GRIK4: variants seen among roughly 807,000 people sequenced by gnomAD.
The protein encoded by GRIK4 is glutamate receptor ionotropic, kainate 4.
In GRIK4, 40 loss-of-function variants were observed where a neutral mutation model predicts 104.9. The ratio of observed to expected loss-of-function variants is 0.38; its 90% CI spans 0.30 to 0.50. The LOEUF (loss-of-function observed/expected upper bound fraction) is 0.50. Ranked by LOEUF, GRIK4 falls within the 20% of genes least tolerant of loss-of-function variation. The pLI, the probability that GRIK4 is intolerant of heterozygous loss-of-function variation, is 0.93. For synonymous variants in GRIK4, 485 were observed against 524.9 expected, an observed-to-expected ratio of 0.92 and a Z score of 1.04; for missense variants, 1,047 against 1,308.1, an observed-to-expected ratio of 0.80 and a Z score of 3.08.
At chr11:120,733,143 T>C (rs1951167191) in intron 3 of GRIK4, among the ~76,000 whole-genome samples, 1 of 152,218 alleles carries the variant, frequency 6.6e-6, no homozygotes, top group Admixed American at 6.5e-5. Context: ...TTTTGTCTAA[T>C]ATATGTATAG....
At chr11:120,701,174 C>T (rs61901370) in intron 3 of GRIK4, among the ~76,000 whole-genome samples, 19,095 of 152,184 alleles carry the variant, frequency 0.13, 1,418 homozygotes, top group African/African-American at 0.19. Flanking sequence ...CTGTACAATA[C>T]GGTTTTATTA....
intron 13 of GRIK4, among the ~76,000 whole-genome samples, chr11:120,917,357 T>C (rs958036372): frequency 6.6e-6 from 1 of 151,488 alleles, no homozygotes; most frequent in Non-Finnish European, 1.5e-5. Flanking sequence ...CAGACAGTGA[T>C]TTAACACCTA....
Position 120,804,643 on chromosome 11 carries a change from G to A in GRIK4, c.247+1786G>A, listed in dbSNP as rs988123911. 3.9e-5 allele frequency among the ~76,000 whole-genome samples: 6 copies of A among 152,096 alleles called. No individual in the cohort carries two copies. In the East Asian group the frequency reaches 9.6e-4, roughly 24 times the overall value. ...TATCTCAGGCATAATTCAGGATATCGGGCATTGGGAACAAAGCAGGAAATA... is the reference window on the plus strand; with the variant it reads ...TATCTCAGGCATAATTCAGGATATCAGGCATTGGGAACAAAGCAGGAAATA... On this transcript the variant is annotated intron_variant, in intron 4 of 20. Coordinates refer to ENST00000527524, the MANE Select transcript of GRIK4 (RefSeq NM_014619.5).
chr11:120,913,361 C>T (rs1943039281), intron 13 of GRIK4, among the ~76,000 whole-genome samples: 1 of 151,882 alleles, frequency 6.6e-6, no homozygotes, highest in Non-Finnish European at 1.5e-5. Flanking sequence ...AGATTGCACT[C>T]CATCTGTAAA....
chr11:120,546,258 G>T (rs1029288119), intron 1 of GRIK4, among the ~76,000 whole-genome samples: 4 of 152,188 alleles, frequency 2.6e-5, no homozygotes, highest in South Asian at 2.1e-4. Flanking sequence ...CCCAGTTGCT[G>T]TGGGTTTGCT....
intron 3 of GRIK4, among the ~76,000 whole-genome samples, chr11:120,702,613 G>A (rs748222528): frequency 2.0e-5 from 3 of 152,140 alleles, no homozygotes; most frequent in Middle Eastern, 3.2e-3. Flanking sequence ...AGGATGAGAA[G>A]CAGCAACCAA....
At chr11:120,797,402 A>G (rs1952541291) in intron 3 of GRIK4, among the ~76,000 whole-genome samples, 1 of 152,208 alleles carries the variant, frequency 6.6e-6, no homozygotes, top group African/African-American at 2.4e-5. Flanking sequence ...TTCACTGCAC[A>G]TTAAGTCTTG....
chr11:120,741,145 T>TG (rs1951323219), intron 3 of GRIK4, among the ~76,000 whole-genome samples: 1 of 152,168 alleles, frequency 6.6e-6, no homozygotes, highest in Non-Finnish European at 1.5e-5. Context: ...AGCCCCTGCA[T>TG]GCATTAACTC....
intron 3 of GRIK4, among the ~76,000 whole-genome samples, chr11:120,745,450 A>G (rs892986383): frequency 8.5e-5 from 13 of 152,180 alleles, no homozygotes; most frequent in Non-Finnish European, 4.4e-5. Context: ...ACTTCTTTTT[A>G]AAAGCTGTGT....
At chr11:120,713,981 A>G (rs188130640) in intron 3 of GRIK4, among the ~76,000 whole-genome samples, 10 of 152,336 alleles carry the variant, frequency 6.6e-5, no homozygotes, top group African/African-American at 2.4e-4. Context: ...ACCATAGAGC[A>G]CCTGCTTCTC....
intron 15 of GRIK4, among the ~76,000 whole-genome samples, chr11:120,954,475 C>T (rs185687941): frequency 3.9e-5 from 6 of 152,058 alleles, no homozygotes; most frequent in South Asian, 2.1e-4. Context: ...AGGCTGTCTC[C>T]GTGAGCCTGG....
rs116843144 is a variant in GRIK4, at chr11:120,695,381, G to A, written c.82+34981G>A. 5.3e-5 allele frequency among the ~76,000 whole-genome samples: 8 copies of A among 152,354 alleles called. No homozygotes were observed. In the East Asian group the frequency reaches 1.5e-3, roughly 29 times the overall value. On this transcript the variant is annotated intron_variant, in intron 3 of 20. Coordinates refer to ENST00000527524, the MANE Select transcript of GRIK4 (RefSeq NM_014619.5). Reference sequence around the variant, plus strand: ...TGGCTGCCATGTCCTACCGTGAAGGGCCTTCTGTGGCTCGCCAAGGGATTG... The same window carrying A: ...TGGCTGCCATGTCCTACCGTGAAGGACCTTCTGTGGCTCGCCAAGGGATTG...
intron 5 of GRIK4, among the ~76,000 whole-genome samples, chr11:120,816,292 C>T (rs974975021): frequency 4.6e-5 from 7 of 152,124 alleles, no homozygotes; most frequent in Non-Finnish European, 8.8e-5. Context: ...GATATATCCT[C>T]GGGAGACAGT....
Position 120,687,532 on chromosome 11 carries a change from G to C in GRIK4, c.82+27132G>C, listed in dbSNP as rs1261278006. On this transcript the variant is annotated intron_variant, in intron 3 of 20. Coordinates refer to ENST00000527524, the MANE Select transcript of GRIK4 (RefSeq NM_014619.5). Reference sequence around the variant, plus strand: ...ACCTGTGAATCTGTTTCTATTGTGTGTTGTTGTTGTTTTTTCCCTCTTAGA... The same window carrying C: ...ACCTGTGAATCTGTTTCTATTGTGTCTTGTTGTTGTTTTTTCCCTCTTAGA... 2.0e-5 allele frequency among the ~76,000 whole-genome samples: 3 copies of C among 150,616 alleles called. No homozygotes were observed. In the East Asian group the frequency reaches 5.8e-4, roughly 29 times the overall value.
intron 1 of GRIK4, among the ~76,000 whole-genome samples, chr11:120,595,974 G>A (rs1254599205): frequency 2.0e-5 from 3 of 152,232 alleles, no homozygotes; most frequent in African/African-American, 7.2e-5. Flanking sequence ...ACCCTCCTGA[G>A]TAGCTGGGAT....
chr11:120,787,370 T>C (rs1735779428), intron 3 of GRIK4, among the ~76,000 whole-genome samples: 1 of 152,074 alleles, frequency 6.6e-6, no homozygotes, highest in Non-Finnish European at 1.5e-5. Context: ...TTTGTGAAAT[T>C]TGGTTAAGGA....
At chr11:120,929,057 A>G (rs1041270287) in intron 13 of GRIK4, among the ~76,000 whole-genome samples, 1 of 151,696 alleles carries the variant, frequency 6.6e-6, no homozygotes, top group Non-Finnish European at 1.5e-5. Context: ...GTGTTGGCAC[A>G]GGTGAACAAT....
chr11:120,983,761 C>T (rs1055540418), intron 20 of GRIK4, among the ~76,000 whole-genome samples: 1 of 152,216 alleles, frequency 6.6e-6, no homozygotes, highest in East Asian at 1.9e-4. Flanking sequence ...GAACCACTTA[C>T]ACACCACGCT....
intron 1 of GRIK4, among the ~76,000 whole-genome samples, chr11:120,601,744 G>A (rs549438092): frequency 1.3e-5 from 2 of 151,780 alleles, no homozygotes. Flanking sequence ...AACGTGTGGG[G>A]GAAGTATAAA....
Sources: gnomAD v4.1 joint callset for allele counts (sites outside exome capture counted in the v4.1 genomes callset) on GRCh38, gnomAD v4.1.1 for gene constraint, MANE v1.5 for transcripts, NCBI Gene and HGNC (gene_info 2026-07-23, HGNC 2026-07-21) for gene names.